The following SSBP3 variants were observed in gnomAD, a reference collection of about 807,000 sequenced individuals.
SSBP3 encodes single-stranded DNA-binding protein 3.
Under a neutral mutation model 69.6 loss-of-function variants are expected in SSBP3, and 5 were observed. The ratio of observed to expected loss-of-function variants is 0.07; its 90% CI spans 0.04 to 0.15. SSBP3 has a LOEUF of 0.15. Ranked by LOEUF, SSBP3 falls within the 10% of genes least tolerant of loss-of-function variation. SSBP3 has a pLI of 1.00. For synonymous variants in SSBP3, 196 were observed against 193.4 expected, an observed-to-expected ratio of 1.01 and a Z score of -0.11; for missense variants, 312 against 534.0, an observed-to-expected ratio of 0.58 and a Z score of 4.10.
intron 4 of SSBP3, among the ~76,000 whole-genome samples, chr1:54,301,172 A>G (rs1318767165): frequency 1.3e-5 from 2 of 152,214 alleles, no homozygotes; most frequent in Non-Finnish European, 2.9e-5. Flanking sequence ...CCTGCATCTC[A>G]TCTTTTACCA....
intron 4 of SSBP3, among the ~76,000 whole-genome samples, chr1:54,399,536 T>C (rs535858123): frequency 6.6e-6 from 1 of 152,276 alleles, no homozygotes; most frequent in South Asian, 2.1e-4. Context: ...TAGGTGGTTT[T>C]TATAGATATG....
At chr1:54,263,010 A>T (rs984988954) in intron 5 of SSBP3, among the ~76,000 whole-genome samples, 12 of 152,132 alleles carry the variant, frequency 7.9e-5, no homozygotes, top group African/African-American at 2.9e-4. Context: ...GTTTCTTGTT[A>T]TTCTTTCTCC....
chr1:54,316,330 G>A (rs377590619), intron 4 of SSBP3, among the ~76,000 whole-genome samples: 20 of 145,746 alleles, frequency 1.4e-4, no homozygotes, highest in Middle Eastern at 3.9e-3. Flanking sequence ...ACGACAGAGC[G>A]AGACTCTGTC....
intron 4 of SSBP3, among the ~76,000 whole-genome samples, chr1:54,290,927 ACACACACACG>A (rs765223559): frequency 1.3e-5 from 2 of 152,124 alleles, no homozygotes; most frequent in Admixed American, 6.5e-5. Context: ...TTAGCAAAAC[ACACACACACG>A]CACACACACA....
intron 4 of SSBP3, among the ~76,000 whole-genome samples, chr1:54,330,705 C>A (rs1377443887): frequency 6.6e-6 from 1 of 151,262 alleles, no homozygotes; most frequent in Non-Finnish European, 1.5e-5. Context: ...CTTGTGCAGT[C>A]AAAAAAAAAT....
intron 3 of SSBP3, 79 bp from the exon 4 acceptor site, chr1:54,402,024 GCTAACAGTA>G (rs1649341707): frequency 7.9e-7 from 1 of 1,259,348 alleles, no homozygotes; most frequent in East Asian, 2.3e-5. Flanking sequence ...GATGCATGGC[GCTAACAGTA>G]CTAGGTCTCC....
intron 4 of SSBP3, among the ~76,000 whole-genome samples, chr1:54,368,243 A>T (rs1647059730): frequency 2.0e-5 from 3 of 148,900 alleles, no homozygotes; most frequent in African/African-American, 5.0e-5. Flanking sequence ...GCTTGCAGTG[A>T]GCCAAGATCA....
chr1:54,260,217 G>A (rs1042339846), intron 5 of SSBP3, among the ~76,000 whole-genome samples: 2 of 152,228 alleles, frequency 1.3e-5, no homozygotes, highest in African/African-American at 4.8e-5. Flanking sequence ...AAGAACAGAG[G>A]AGGAAGGTTC....
At chr1:54,243,104 A>G in intron 10 of SSBP3, 131 bp downstream of exon 10, 1 of 827,712 alleles carries the variant, frequency 1.2e-6, no homozygotes, top group Non-Finnish European at 2.1e-6. Context: ...ATATCCTCAC[A>G]TTACCGATGA....
At chr1:54,228,657 GC>G in intron 15 of SSBP3, 90 bp downstream of exon 15, 1 of 1,503,408 alleles carries the variant, frequency 6.7e-7, no homozygotes, top group African/African-American at 1.4e-5. Context: ...GCCGGCCAGG[GC>G]TCTGTACCAA....
chr1:54,320,927 G>A (rs1202727041), intron 4 of SSBP3, among the ~76,000 whole-genome samples: 1 of 152,206 alleles, frequency 6.6e-6, no homozygotes, highest in African/African-American at 2.4e-5. Flanking sequence ...AGTTTATTCC[G>A]CTCTGGGAGG....
chr1:54,344,402 C>T (rs551326847), intron 4 of SSBP3, among the ~76,000 whole-genome samples: 3 of 152,352 alleles, frequency 2.0e-5, no homozygotes, highest in African/African-American at 7.2e-5. Flanking sequence ...CCAAAGTAGG[C>T]TCTTGAAGCC....
intron 5 of SSBP3, among the ~76,000 whole-genome samples, chr1:54,262,488 ACCT>A (rs1291201818): frequency 5.3e-5 from 8 of 152,084 alleles, no homozygotes; most frequent in Non-Finnish European, 1.0e-4. Context: ...CCGGGTGCTG[ACCT>A]CCTATGTGGC....
At chr1:54,397,170 A>ATG (rs1648952294) in intron 4 of SSBP3, among the ~76,000 whole-genome samples, 1 of 152,234 alleles carries the variant, frequency 6.6e-6, no homozygotes, top group East Asian at 1.9e-4. Flanking sequence ...CTCTGGGCAG[A>ATG]TAGCTAGCCT....
At chr1:54,402,140 G>A (rs1649350147) in intron 3 of SSBP3, among the ~76,000 whole-genome samples, 195 bp from the exon 4 acceptor site, 1 of 152,202 alleles carries the variant, frequency 6.6e-6, no homozygotes, top group African/African-American at 2.4e-5. Flanking sequence ...ATTAGTAATG[G>A]CAGTAATAGT....
chr1:54,358,477 C>A (rs1237740147), intron 4 of SSBP3, among the ~76,000 whole-genome samples: 1 of 152,218 alleles, frequency 6.6e-6, no homozygotes, highest in Non-Finnish European at 1.5e-5. Context: ...AGCAACTCCA[C>A]AACTGCTAAA....
intron 5 of SSBP3, among the ~76,000 whole-genome samples, chr1:54,269,227 C>G (rs550089464): frequency 1.4e-4 from 22 of 152,248 alleles, no homozygotes; most frequent in African/African-American, 4.3e-4. Context: ...TGGAAGCATG[C>G]CCCTCAACAA....
rs140135006 is a variant in SSBP3, at chr1:54,312,479, T to C, written c.277-30952A>G. Reference sequence around the variant, plus strand: ...GGCGGGTGCCTGTAATCCCAGCTACTTGGGAGGCTGAGGCAGAAGAACTGC... The same window carrying C: ...GGCGGGTGCCTGTAATCCCAGCTACCTGGGAGGCTGAGGCAGAAGAACTGC... On this transcript the variant is annotated intron_variant, in intron 4 of 17. Coordinates refer to ENST00000610401, the Ensembl canonical transcript of SSBP3. Among the ~76,000 whole-genome samples, 838 of 151,800 alleles carry C rather than the reference T, an allele frequency of 5.5e-3. 12 individuals are homozygous for C. The highest frequency in any genetic ancestry group is 0.019 in the African/African-American group (799 of 41,384).
intron 4 of SSBP3, among the ~76,000 whole-genome samples, chr1:54,385,610 T>A (rs1477836583): frequency 1.3e-5 from 2 of 152,192 alleles, no homozygotes; most frequent in African/African-American, 4.8e-5. Context: ...TTCCTGCTTT[T>A]CATTCCACTC....
Sources: allele counts gnomAD v4.1 joint callset (sites outside exome capture counted in the v4.1 genomes callset), GRCh38; gene constraint gnomAD v4.1.1; transcripts MANE v1.5; gene names NCBI Gene and HGNC (gene_info 2026-07-23, HGNC 2026-07-21).